The following SPTBN5 variants were observed in gnomAD, a reference collection of about 807,000 sequenced individuals.
SPTBN5 encodes the protein spectrin beta, non-erythrocytic 5.
In SPTBN5, 513 loss-of-function variants were observed where a neutral mutation model predicts 477.6. The ratio of observed to expected loss-of-function variants is 1.07; its 90% CI spans 1.00 to 1.16. SPTBN5 has a LOEUF of 1.16. Among genes scored for constraint, SPTBN5 ranks in the 50% most tolerant of loss-of-function variants. The pLI is 0.00. For synonymous variants in SPTBN5, 2,169 were observed against 2,011.7 expected, an observed-to-expected ratio of 1.08 and a Z score of -2.09; for missense variants, 5,062 against 4,731.8, an observed-to-expected ratio of 1.07 and a Z score of -2.05.
chr15:41,851,315 T>C lies in SPTBN5; in HGVS notation c.10711A>G (p.Ser3571Gly), dbSNP rs933360624. The C allele has an allele frequency of 1.3e-5, 20 of 1,550,944 alleles. No homozygotes were observed. Among genetic ancestry groups the C allele is most frequent in the Admixed American group, 5.9e-5 (3 of 50,974 alleles). Residue 3571 changes from serine (S) to glycine (G), a missense_variant, in exon 64 of 68, where the codon AGC becomes GGC. Coordinates refer to ENST00000320955, the MANE Select transcript of SPTBN5 (RefSeq NM_016642.4). The stretch of plus-strand genomic sequence containing the variant: ...GCCATCCTCTCATCCAGGAACAGGC[T>C]CAGAGAGCTGCCCTGCAAGTTCCCG... ...CRGNLQGSSL[S>G]LFLDERMAAE...
At chr15:41,883,294 G>C (rs1481526798) in intron 8 of SPTBN5, 54 bp downstream of exon 8, 1 of 1,606,286 alleles carries the variant, frequency 6.2e-7, no homozygotes, top group Non-Finnish European at 8.5e-7. Flanking sequence ...ACTGGCACTG[G>C]GGAAGTCCCC....
Position 41,862,579 on chromosome 15 carries a change from C to T in SPTBN5, c.7345G>A (p.Ala2449Thr). Reference sequence around the variant, plus strand: ...CTCCGGAGCTGCCACCAGCTCTCAGCCACCTCCTGCTGCCTGTGCCTGAGG... The same window carrying T: ...CTCCGGAGCTGCCACCAGCTCTCAGTCACCTCCTGCTGCCTGTGCCTGAGG... ...HGLRHRQQEV[A>T]ESWWQLRSRA... The change falls in exon 43 of 68, where the codon GCT becomes ACT. Residue 2449 changes from alanine to threonine, a missense_variant. Transcript: ENST00000320955. 6.4e-7 allele frequency: 1 copy of T among 1,559,080 alleles called. No individual in the cohort carries two copies. The highest frequency in any genetic ancestry group is 8.7e-7 in the Non-Finnish European group (1 of 1,152,260).
intron 11 of SPTBN5, 44 bp from the exon 12 acceptor site, chr15:41,882,189 T>A (rs1317352765): frequency 6.7e-7 from 1 of 1,498,722 alleles, no homozygotes; most frequent in Non-Finnish European, 8.8e-7. Flanking sequence ...GGGGCGCGGC[T>A]GAGCGCGGGC....
chr15:41,862,122 C>A lies in SPTBN5; in HGVS notation c.7548+8G>T. ...CCTGGGAAAGGCTTGGGCCAGCTGC[C>A]CATTCACCTTGCACTCCTGATGCTC... On this transcript the variant is annotated splice_region_variant and intron_variant, in intron 44 of 67. Transcript: ENST00000320955. 1.3e-6 allele frequency: 2 copies of A among 1,556,892 alleles called. No homozygotes were observed. The highest frequency in any genetic ancestry group is 1.2e-5 in the South Asian group (1 of 84,084).
Position 41,870,319 on chromosome 15 carries a change from C to T in SPTBN5, c.5597G>A (p.Arg1866Gln), listed in dbSNP as rs189399514. ...CTGCGCCTCCAGCCCACACAGGTCCCGTGCCACATTGTTGGGGAGGCTCGT... is the reference window on the plus strand; with the variant it reads ...CTGCGCCTCCAGCCCACACAGGTCCTGTGCCACATTGTTGGGGAGGCTCGT... ...KATSLPNNVA[R>Q]DLCGLEAQLR... Residue 1866 changes from arginine (R) to glutamine (Q), a missense_variant, in exon 31 of 68, where the codon CGG (arginine) becomes CAG (glutamine). By Grantham distance (43) the Arg-to-Gln change is conservative. Transcript: ENST00000320955. The T allele has an allele frequency of 8.5e-5, 133 of 1,566,010 alleles. No homozygotes were observed. Among genetic ancestry groups the T allele is most frequent in the African/African-American group, 7.8e-4 (58 of 73,910 alleles).
intron 63 of SPTBN5, 52 bp downstream of exon 63, chr15:41,851,727 A>G (rs1055665276): frequency 1.4e-5 from 20 of 1,412,748 alleles, no homozygotes; most frequent in African/African-American, 4.3e-5. Context: ...GAGCCACTCA[A>G]GTGCTGCTGC....
intron 24 of SPTBN5, 112 bp downstream of exon 24, chr15:41,874,180 G>T: frequency 6.7e-7 from 1 of 1,499,120 alleles, no homozygotes; most frequent in Non-Finnish European, 9.0e-7. Flanking sequence ...TTTGGAAATT[G>T]GGATACCCAG....
Position 41,867,137 on chromosome 15 carries a change from G to T in SPTBN5, c.6313-11C>A. On this transcript the variant is annotated splice_polypyrimidine_tract_variant and intron_variant, in intron 35 of 67. Coordinates refer to ENST00000320955, the MANE Select transcript of SPTBN5 (RefSeq NM_016642.4). Reference sequence around the variant, plus strand: ...ACGCAGGGCTGCCTCCTGTGGGGCAGGGGCACAGCTGCTGCTCTCCCACCC... The same window carrying T: ...ACGCAGGGCTGCCTCCTGTGGGGCATGGGCACAGCTGCTGCTCTCCCACCC... 6.6e-7 allele frequency: 1 copy of T among 1,521,304 alleles called. No individual in the cohort carries two copies. The highest frequency in any genetic ancestry group is 1.2e-5 in the South Asian group (1 of 81,884). The allele number at this position is 1,521,304 out of a possible 1,614,324, so 94.2% of individuals were successfully genotyped here.
At position 41,848,306 on chromosome 15, in the gene SPTBN5, AC is replaced by A. The variant is rs2065622280; in HGVS notation, c.*309del. 3.8e-6 allele frequency: 2 copies of A among 532,084 alleles called. No individual in the cohort carries two copies. The highest frequency in any genetic ancestry group is 6.5e-5 in the East Asian group (2 of 30,656). 33.0% of individuals were successfully genotyped at this position (532,084 alleles called of 1,614,324 possible). ...TCTGCGTCTACCTGTGCTCAGAGTC[AC>A]CCCTTCCAAGCAAGGAGGAGGCCAC... On this transcript the variant is annotated 3_prime_UTR_variant, in exon 68 of 68. Transcript: ENST00000320955.
chr15:41,857,527 G>C, intron 50 of SPTBN5, 33 bp from the exon 51 acceptor site: 2 of 1,602,114 alleles, frequency 1.2e-6, no homozygotes, highest in African/African-American at 1.3e-5. Context: ...CAGGAGGGGA[G>C]TGTCCTGGAG....
chr15:41,871,409 C>A lies in SPTBN5; in HGVS notation c.5413G>T (p.Gly1805Cys). The part of the protein sequence containing the change: ...ESLLERGHSA[G>C]PMVRQRQQDL... ...TGCTGCCTCTGACGGACCATGGGGC[C>A]AGCACTGTGCCCACGCTCTAGCAGG... Residue 1805 changes from glycine to cysteine, a missense_variant, in exon 29 of 68, where the codon GGC becomes TGC. Physicochemically the swap from Gly to Cys is radical, Grantham distance 159 (BLOSUM62 -3). Transcript: ENST00000320955. 1 of 1,531,288 alleles carries A rather than the reference C, an allele frequency of 6.5e-7. No homozygotes were observed. Among genetic ancestry groups the A allele is most frequent in the Non-Finnish European group, 8.8e-7 (1 of 1,137,656 alleles). The allele number at this position is 1,531,288 out of a possible 1,614,324, so 94.9% of individuals were successfully genotyped here.
intron 39 of SPTBN5, among the ~76,000 whole-genome samples, chr15:41,865,152 T>C (rs2066256155): frequency 6.6e-6 from 1 of 152,202 alleles, no homozygotes; most frequent in South Asian, 2.1e-4. Context: ...CTTTAACACC[T>C]GATTGTCAAT....
intron 3 of SPTBN5, 46 bp from the exon 4 acceptor site, chr15:41,890,251 A>G: frequency 7.3e-7 from 1 of 1,372,960 alleles, no homozygotes; most frequent in African/African-American, 1.4e-5. Context: ...CCATGTCCAG[A>G]GAGGACTCAG....
chr15:41,882,539 A>G (rs1175130700), intron 10 of SPTBN5, 46 bp downstream of exon 10: 1 of 1,592,128 alleles, frequency 6.3e-7, no homozygotes, highest in African/African-American at 1.3e-5. Flanking sequence ...CCGAGAGGGA[A>G]GGGCAAGGCG....
chr15:41,852,525 G>C, intron 61 of SPTBN5, 109 bp downstream of exon 61: 1 of 1,358,988 alleles, frequency 7.4e-7, no homozygotes, highest in South Asian at 1.2e-5. Flanking sequence ...GAAAGGAGCA[G>C]GTAAGGCAGG....
At position 41,857,285 on chromosome 15, in the gene SPTBN5, G is replaced by C. The variant is rs190175201; in HGVS notation, c.8574C>G (p.His2858Gln). Residue 2858 changes from histidine to glutamine, a missense_variant, in exon 51 of 68, where the codon CAC becomes CAG. Physicochemically the swap from His to Gln is conservative, Grantham distance 24 (BLOSUM62 0). Coordinates refer to ENST00000320955, the MANE Select transcript of SPTBN5 (RefSeq NM_016642.4). ...GCTCTTCCACATCTTGGGCAAGGCAGTGGCCTTCCCTCACAAAGGCCTGGG... is the reference window on the plus strand; with the variant it reads ...GCTCTTCCACATCTTGGGCAAGGCACTGGCCTTCCCTCACAAAGGCCTGGG... ...GQAQAFVREG[H>Q]CLAQDVEEQA... 10 of 1,574,160 alleles carry C rather than the reference G, an allele frequency of 6.4e-6. No individual in the cohort carries two copies. In the East Asian group the frequency reaches 1.9e-4, roughly 30 times the overall value.
In SPTBN5 at chr15:41,886,848, C is replaced by T. The variant is rs2067169323; in HGVS notation, c.888+365G>A. 3.3e-5 allele frequency among the ~76,000 whole-genome samples: 5 copies of T among 152,228 alleles called. No individual in the cohort carries two copies. In the South Asian group the frequency reaches 1.0e-3, roughly 31 times the overall value. On this transcript the variant is annotated intron_variant, in intron 6 of 67. Transcript: ENST00000320955. Reference sequence around the variant, plus strand: ...CCCAAAAACATGAATTCTGCGTAGCCCCCGCTGGCAGAGCCTTTTCTGTGC... The same window carrying T: ...CCCAAAAACATGAATTCTGCGTAGCTCCCGCTGGCAGAGCCTTTTCTGTGC...
intron 57 of SPTBN5, 131 bp from the exon 58 acceptor site, chr15:41,853,918 C>T: frequency 7.0e-7 from 1 of 1,431,626 alleles, no homozygotes; most frequent in Non-Finnish European, 9.3e-7. Flanking sequence ...GTCCTAGGGC[C>T]CCTCGGGGAA....
chr15:41,878,025 G>T lies in SPTBN5; in HGVS notation c.3470+317C>A, dbSNP rs528664791. 3.9e-5 allele frequency among the ~76,000 whole-genome samples: 6 copies of T among 152,282 alleles called. No homozygotes were observed. In the East Asian group the frequency reaches 9.7e-4, roughly 25 times the overall value. On this transcript the variant is annotated intron_variant, in intron 17 of 67. Coordinates refer to ENST00000320955, the MANE Select transcript of SPTBN5 (RefSeq NM_016642.4). ...GGGTCCGTGTTACCAGGACGGCAGG[G>T]GGGGCTAGACGCCCTGACTGAAAGC...
Sources: allele counts gnomAD v4.1 joint callset (sites outside exome capture counted in the v4.1 genomes callset), GRCh38; gene constraint gnomAD v4.1.1; transcripts MANE v1.5; gene names NCBI Gene and HGNC (gene_info 2026-07-23, HGNC 2026-07-21).